AUTS2: variants seen among roughly 807,000 people sequenced by gnomAD.
AUTS2 encodes autism susceptibility gene 2 protein.
Under a neutral mutation model 112.4 loss-of-function variants are expected in AUTS2, and 17 were observed. The observed-to-expected ratio is 0.15, with a 90% CI of 0.10 to 0.23. The LOEUF is 0.23. AUTS2 is among the 10% of genes least tolerant of loss of function. The pLI is 1.00. For missense variants in AUTS2, 1,510 were observed against 1,701.6 expected, an observed-to-expected ratio of 0.89 and a Z score of 1.98; for synonymous variants, 751 against 702.7, an observed-to-expected ratio of 1.07 and a Z score of -1.09.
In AUTS2 at chr7:69,729,994, A is replaced by ATTTTTTTTTTTTTT. The variant is rs10684331; in HGVS notation, c.309+130044_309+130057dup. 2.5e-4 allele frequency among the ~76,000 whole-genome samples: 14 copies of ATTTTTTTTTTTTTT among 56,758 alleles called. 1 individual carries two copies. The highest frequency in any genetic ancestry group is 1.0e-3 in the African/African-American group (12 of 11,880). 37.2% of individuals were successfully genotyped at this position (56,758 alleles called of 152,430 possible). On this transcript the variant is annotated intron_variant, in intron 1 of 18. Coordinates refer to ENST00000342771, the MANE Select transcript of AUTS2 (RefSeq NM_015570.4). ...GTTTTTTTTTGTTGTTGTTGTTTTA[A>ATTTTTTTTTTTTTT]TTTTTTTTTTTTTTTTTTTTTTTTT...
intron 5 of AUTS2, among the ~76,000 whole-genome samples, chr7:70,442,380 C>G (rs1202763607): frequency 6.6e-6 from 1 of 152,158 alleles, no homozygotes; most frequent in African/African-American, 2.4e-5. Context: ...CCTCAGGCTT[C>G]TATATTTCAT....
intron 1 of AUTS2, among the ~76,000 whole-genome samples, chr7:69,683,145 G>A (rs181247769): frequency 6.6e-6 from 1 of 152,138 alleles, no homozygotes. Flanking sequence ...TAGGGCCCAG[G>A]GGATTGGTTT....
At chr7:69,926,444 TGTCTATCTATCTATC>T (rs1445975777) in intron 2 of AUTS2, among the ~76,000 whole-genome samples, 1 of 92,878 alleles carries the variant, frequency 1.1e-5, no homozygotes, top group African/African-American at 4.8e-5. Flanking sequence ...TCTGTCTGTC[TGTCTATCTATCTATC>T]TATCTATCTA....
chr7:69,877,808 C>A (rs1793869443), intron 1 of AUTS2, among the ~76,000 whole-genome samples: 1 of 152,174 alleles, frequency 6.6e-6, no homozygotes, highest in Non-Finnish European at 1.5e-5. Context: ...ATCCTACAGA[C>A]CACTGGTGTA....
intron 4 of AUTS2, among the ~76,000 whole-genome samples, chr7:70,309,620 A>G (rs193114471): frequency 3.3e-5 from 5 of 152,350 alleles, no homozygotes; most frequent in Admixed American, 1.3e-4. Context: ...TATAGTGAAC[A>G]TAGTAGAAAA....
intron 2 of AUTS2, among the ~76,000 whole-genome samples, chr7:70,043,809 A>G (rs1801376939): frequency 6.6e-6 from 1 of 151,828 alleles, no homozygotes; most frequent in East Asian, 1.9e-4. Context: ...GGGTTTCTCT[A>G]TGTTGGTCAG....
chr7:70,731,420 C>CCTTT (rs1787379471), intron 6 of AUTS2, among the ~76,000 whole-genome samples: 1 of 69,480 alleles, frequency 1.4e-5, no homozygotes, highest in Non-Finnish European at 2.5e-5. Context: ...TTACCCAGAT[C>CCTTT]TTTTTTTTTT....
intron 1 of AUTS2, among the ~76,000 whole-genome samples, chr7:69,816,926 A>G (rs1259933140): frequency 1.3e-5 from 2 of 152,210 alleles, no homozygotes; most frequent in African/African-American, 2.4e-5. Flanking sequence ...GAAGCCAGAC[A>G]GCTGGGTCCC....
chr7:70,279,477 A>G (rs1005699917), intron 4 of AUTS2, among the ~76,000 whole-genome samples: 2 of 152,248 alleles, frequency 1.3e-5, no homozygotes, highest in Non-Finnish European at 2.9e-5. Flanking sequence ...AGAATTAAAG[A>G]TCAGATAGAT....
chr7:70,713,844 G>A (rs1054446033), intron 6 of AUTS2, among the ~76,000 whole-genome samples: 14 of 151,780 alleles, frequency 9.2e-5, no homozygotes, highest in Non-Finnish European at 1.5e-4. Context: ...TGCAGTGAGC[G>A]GAGATCGCGC....
At chr7:70,416,922 A>G (rs1009718439) in intron 4 of AUTS2, among the ~76,000 whole-genome samples, 1 of 152,240 alleles carries the variant, frequency 6.6e-6, no homozygotes, top group Non-Finnish European at 1.5e-5. Context: ...TGGAATGCCC[A>G]GGGAAGTGAG....
rs144200103 is a variant in AUTS2 at position 69,898,992 on chromosome 7, C to T, written c.310-294C>T. Among the ~76,000 whole-genome samples, 244 of 152,222 alleles carry T rather than the reference C, an allele frequency of 1.6e-3. 1 individual carries two copies. The highest frequency in any genetic ancestry group is 4.9e-3 in the African/African-American group (203 of 41,548). On this transcript the variant is annotated intron_variant, in intron 1 of 18. Transcript: ENST00000342771. ...TTGTGTGCTGGACCCAGCACCAAATCGAACAGAAAGCTGCTATCCCAGGGA... is the reference window on the plus strand; with the variant it reads ...TTGTGTGCTGGACCCAGCACCAAATTGAACAGAAAGCTGCTATCCCAGGGA...
intron 6 of AUTS2, chr7:70,729,095 C>G: frequency 2.2e-6 from 1 of 452,818 alleles, no homozygotes; most frequent in Non-Finnish European, 4.4e-6. Context: ...TTGAGAACAG[C>G]CATTTACAAA....
At chr7:70,118,267 ATT>A in intron 3 of AUTS2, 34 bp downstream of exon 3, 3 of 1,468,188 alleles carry the variant, frequency 2.0e-6, no homozygotes, top group Non-Finnish European at 9.1e-7. Context: ...AAAAAAAAAA[ATT>A]AACGAAAACC....
At chr7:69,989,770 C>T (rs895644688) in intron 2 of AUTS2, among the ~76,000 whole-genome samples, 1 of 152,160 alleles carries the variant, frequency 6.6e-6, no homozygotes, top group African/African-American at 2.4e-5. Flanking sequence ...TGTCCATAGC[C>T]CATTGGGAAC....
In AUTS2 at chr7:70,049,540, G is replaced by A. The variant is rs1303861983; in HGVS notation, c.523-68592G>A. On this transcript the variant is annotated intron_variant, in intron 2 of 18. Transcript: ENST00000342771. ...GGACAGAGTTTCACTATGTTGGTCA[G>A]GCTGGTCTCAAACTCCTGACCTGAA... Among the ~76,000 whole-genome samples the A allele has an allele frequency of 2.0e-5, 3 of 152,030 alleles. No homozygotes were observed. The East Asian group carries it at 5.8e-4, about 29-fold the overall frequency.
At chr7:70,298,263 C>G (rs955676525) in intron 4 of AUTS2, among the ~76,000 whole-genome samples, 3 of 152,018 alleles carry the variant, frequency 2.0e-5, no homozygotes, top group African/African-American at 7.3e-5. Flanking sequence ...AACTCCTGAC[C>G]TTAGGTGATC....
At chr7:69,616,369 C>T (rs1293455187) in intron 1 of AUTS2, among the ~76,000 whole-genome samples, 2 of 152,172 alleles carry the variant, frequency 1.3e-5, no homozygotes, top group Non-Finnish European at 2.9e-5. Context: ...TCAAGTCCAC[C>T]TCCCTTCTTC....
At chr7:70,552,798 C>A (rs1476174558) in intron 5 of AUTS2, among the ~76,000 whole-genome samples, 3 of 152,124 alleles carry the variant, frequency 2.0e-5, no homozygotes, top group African/African-American at 7.2e-5. Flanking sequence ...CCTGGAGTAA[C>A]AGGAAGTGAA....
Sources: allele counts gnomAD v4.1 joint callset (sites outside exome capture counted in the v4.1 genomes callset), GRCh38; gene constraint gnomAD v4.1.1; transcripts MANE v1.5; gene names NCBI Gene and HGNC (gene_info 2026-07-23, HGNC 2026-07-21).